Variants in UTP25 observed in about 807,000 individuals in gnomAD.
UTP25 encodes U3 small nucleolar RNA-associated protein 25 homolog.
A neutral mutation model predicts 78.9 loss-of-function variants in UTP25; 50 were observed. The observed-to-expected ratio is 0.63, with a 90% confidence interval of 0.50 to 0.80. UTP25 has a LOEUF of 0.80. Ranked by LOEUF, UTP25 falls within the 30% of genes least tolerant of loss-of-function variation. The probability of loss-of-function intolerance (pLI) is 0.00; values close to 1 mark genes in which losing one functional copy is unlikely to be tolerated. For synonymous variants in UTP25, 329 were observed against 336.5 expected, an observed-to-expected ratio of 0.98 and a Z score of 0.24; for missense variants, 846 against 911.3, an observed-to-expected ratio of 0.93 and a Z score of 0.92.
chr1:209,851,774 A>G lies in UTP25; in HGVS notation c.*327A>G. 1 of 192,852 alleles carries G rather than the reference A, an allele frequency of 5.2e-6. No individual in the cohort carries two copies. The highest frequency in any genetic ancestry group is 1.1e-5 in the Non-Finnish European group (1 of 93,682). 11.9% of individuals were successfully genotyped at this position (192,852 alleles called of 1,614,324 possible). ...GATTTACCTCTAATTTATTACACTT[A>G]GTAAATTCTTCCAGATTTTTCTATT... On this transcript the variant is annotated 3_prime_UTR_variant, in exon 12 of 12. Transcript: ENST00000491415.
chr1:209,842,116 C>A (rs1572005340), intron 8 of UTP25, 149 bp from the exon 9 acceptor site: 3 of 784,568 alleles, frequency 3.8e-6, no homozygotes, highest in East Asian at 2.7e-5. Context: ...TGACCATGGG[C>A]AAGTCACTCA....
chr1:209,843,511 G>C lies in UTP25; in HGVS notation c.1842G>C (p.Thr614=), dbSNP rs138167313. 1 of 1,614,098 alleles carries C rather than the reference G, an allele frequency of 6.2e-7. No individual in the cohort carries two copies. The highest frequency in any genetic ancestry group is 1.1e-5 in the South Asian group (1 of 91,082). The change falls in exon 11 of 12, where the codon ACG becomes ACC. Residue 614 remains threonine, a synonymous_variant. Transcript: ENST00000491415. ...ATCGTGATGCAGTCATGTCTCACAC[G>C]CTCATCTATATCCCCTCCTACTTTG... ...PQYRDAVMSH[T]LIYIPSYFDF...
chr1:209,832,574 C>T (rs1296365583), intron 3 of UTP25, among the ~76,000 whole-genome samples: 1 of 152,148 alleles, frequency 6.6e-6, no homozygotes, highest in African/African-American at 2.4e-5. Flanking sequence ...TCCAGAGAAA[C>T]AGAACCGGTA....
At chr1:209,833,592 G>A (rs1468152376) in intron 4 of UTP25, among the ~76,000 whole-genome samples, 1 of 152,160 alleles carries the variant, frequency 6.6e-6, no homozygotes, top group East Asian at 1.9e-4. Flanking sequence ...CAGCTTCCCA[G>A]GCCTCACATT....
chr1:209,842,412 G>C lies in UTP25; in HGVS notation c.1633G>C (p.Val545Leu), dbSNP rs140604427. ...CCTTCAGGATGCCCAGATCAACTCA[G>C]TGTTCAACAAGTACTGTGTCAACAT... ...GALQDAQINSVFNKYCVNMQG... is the reference protein window; with the variant it reads ...GALQDAQINSLFNKYCVNMQG... The change falls in exon 9 of 12, where the codon GTG becomes CTG. Residue 545 changes from valine (V) to leucine (L), a missense_variant. By Grantham distance (32) the Val-to-Leu change is conservative. Coordinates refer to ENST00000491415, the MANE Select transcript of UTP25 (RefSeq NM_014388.7). 4 of 1,614,124 alleles carry C rather than the reference G, an allele frequency of 2.5e-6. No individual in the cohort carries two copies.
chr1:209,855,859 G>C lies in UTP25; in HGVS notation c.*4412G>C, dbSNP rs1245792140. 1.3e-5 allele frequency: 2 copies of C among 152,316 alleles called. No individual in the cohort carries two copies. The highest frequency in any genetic ancestry group is 2.9e-5 in the Non-Finnish European group (2 of 68,136). 9.4% of individuals were successfully genotyped at this position (152,316 alleles called of 1,614,324 possible). On this transcript the variant is annotated 3_prime_UTR_variant, in exon 12 of 12. Coordinates refer to ENST00000491415, the MANE Select transcript of UTP25 (RefSeq NM_014388.7). ...TCCCAGCTGAGCCAAGGCCAAAGCT[G>C]TCTACCTTTTGCCAACCTAAGGAAT...
At position 209,842,695 on chromosome 1, in the gene UTP25, G is replaced by C; in HGVS notation, c.1781G>C (p.Arg594Thr). 6.2e-7 allele frequency: 1 copy of C among 1,608,236 alleles called. No homozygotes were observed. The highest frequency in any genetic ancestry group is 8.5e-7 in the Non-Finnish European group (1 of 1,177,216). Reference protein sequence around the residue: ...AENLASVIDARFNFFVNKILP... With the variant: ...AENLASVIDATFNFFVNKILP... ...AACCTAGCTTCAGTGATTGATGCCA[G>C]GTAACCCACTCCTCCCAGCAGGCCC... Residue 594 changes from arginine to threonine, a missense_variant and splice_region_variant, in exon 10 of 12, where the codon AGG becomes ACG. Transcript: ENST00000491415.
chr1:209,839,326 G>A (rs574714204), intron 7 of UTP25, among the ~76,000 whole-genome samples, 198 bp downstream of exon 7: 2 of 152,258 alleles, frequency 1.3e-5, no homozygotes, highest in East Asian at 1.9e-4. Context: ...CAGTGGAGTC[G>A]GGAGGATCTC....
chr1:209,855,514 ATGTGAC>A lies in UTP25; in HGVS notation c.*4070_*4075del, dbSNP rs1399583648. On this transcript the variant is annotated 3_prime_UTR_variant, in exon 12 of 12. Transcript: ENST00000491415. ...ATGCTCAAAAGGAGTGAGGACAGGTATGTGACTGCCATAAGGAGCTGTTTGCTTTGC... is the reference window on the plus strand; with the variant it reads ...ATGCTCAAAAGGAGTGAGGACAGGTATGCCATAAGGAGCTGTTTGCTTTGC... The A allele has an allele frequency of 1.3e-5, 2 of 152,334 alleles. No individual in the cohort carries two copies. The highest frequency in any genetic ancestry group is 4.8e-5 in the African/African-American group (2 of 41,478). The allele number at this position is 152,334 out of a possible 1,614,324, so 9.4% of individuals were successfully genotyped here. A position where few individuals can be genotyped will look rare whatever the true frequency, so the allele number is the denominator to read the frequency against.
intron 11 of UTP25, among the ~76,000 whole-genome samples, chr1:209,850,495 AT>A (rs1403680545): frequency 6.6e-6 from 1 of 152,246 alleles, no homozygotes; most frequent in East Asian, 1.9e-4. Context: ...TTGTCAACAT[AT>A]AAAATCTTTT....
chr1:209,843,763 C>G (rs1389389309), intron 11 of UTP25, 67 bp downstream of exon 11: 28 of 1,544,106 alleles, frequency 1.8e-5, no homozygotes, highest in Non-Finnish European at 2.5e-5. Context: ...ATGGCCTGCT[C>G]TGAATGCATG....
intron 11 of UTP25, among the ~76,000 whole-genome samples, chr1:209,847,278 AAG>A (rs2078202877): frequency 6.6e-6 from 1 of 152,202 alleles, no homozygotes; most frequent in Non-Finnish European, 1.5e-5. Flanking sequence ...GAAAATTGTT[AAG>A]AGACTAACAA....
At position 209,828,115 on chromosome 1, in the gene UTP25, A is replaced by G. The variant is rs138860505; in HGVS notation, c.52A>G (p.Lys18Glu). 1.2e-3 allele frequency: 1,880 copies of G among 1,614,156 alleles called. 17 individuals are homozygous for G. The highest frequency in any genetic ancestry group is 5.5e-3 in the South Asian group (500 of 91,090). ...SQSQLLNTLT[K>E]KQKKHLRDFG... is the part of the protein sequence containing the mutation. ...GAGCCAGCTACTCAACACCCTAACTAAAAAGCAGAAGAAACATCTTCGAGA... is the reference window on the plus strand; with the variant it reads ...GAGCCAGCTACTCAACACCCTAACTGAAAAGCAGAAGAAACATCTTCGAGA... Residue 18 changes from lysine to glutamate, a missense_variant, in exon 1 of 12, where the codon AAA becomes GAA. Transcript: ENST00000491415.
chr1:209,842,830 G>A, intron 10 of UTP25, 135 bp downstream of exon 10: 2 of 662,636 alleles, frequency 3.0e-6, no homozygotes, highest in South Asian at 3.8e-5. Context: ...ACTTAATTAT[G>A]TCATTTGTCA....
chr1:209,833,878 C>T (rs2078117263), intron 4 of UTP25, among the ~76,000 whole-genome samples: 1 of 152,148 alleles, frequency 6.6e-6, no homozygotes, highest in Non-Finnish European at 1.5e-5. Context: ...CAAGACGTGC[C>T]TATGGCGGGC....
rs772976589 is a variant in UTP25 at position 209,841,053 on chromosome 1, C to A, written c.1483C>A (p.Leu495Met). 6 of 1,613,722 alleles carry A rather than the reference C, an allele frequency of 3.7e-6. No homozygotes were observed. The African/African-American group carries it at 6.7e-5, about 18-fold the overall frequency. The change falls in exon 8 of 12, where the codon CTG becomes ATG. Residue 495 changes from leucine (L) to methionine (M), a missense_variant and splice_region_variant. Physicochemically the swap from Leu to Met is conservative, Grantham distance 15. Transcript: ENST00000491415. ...IYLMQNWEHV[L>M]HLMNHMNLLP... Reference sequence around the variant, plus strand: ...CCTGATGCAGAACTGGGAGCATGTCCTGGTAATGCTGGCCATTCACATTCA... The same window carrying A: ...CCTGATGCAGAACTGGGAGCATGTCATGGTAATGCTGGCCATTCACATTCA...
Position 209,839,046 on chromosome 1 carries a change from C to G in UTP25, c.1200C>G (p.Pro400=). 2 of 1,613,988 alleles carry G rather than the reference C, an allele frequency of 1.2e-6. No individual in the cohort carries two copies. The highest frequency in any genetic ancestry group is 1.7e-6 in the Non-Finnish European group (2 of 1,179,958). ...KRFQGEYGSD[P]EERPPNLKRP... Reference sequence around the variant, plus strand: ...TTCAGGGAGAATATGGATCAGATCCCGAGGAGAGACCACCCAACTTGAAGA... The same window carrying G: ...TTCAGGGAGAATATGGATCAGATCCGGAGGAGAGACCACCCAACTTGAAGA... The change falls in exon 7 of 12, where the codon CCC becomes CCG. Residue 400 remains proline (P), a synonymous_variant. Coordinates refer to ENST00000491415, the MANE Select transcript of UTP25 (RefSeq NM_014388.7).
intron 11 of UTP25, among the ~76,000 whole-genome samples, chr1:209,846,665 A>G (rs1051327360): frequency 1.3e-5 from 2 of 152,198 alleles, no homozygotes; most frequent in African/African-American, 4.8e-5. Context: ...TGTTTGTAGG[A>G]GTCACTGAAA....
chr1:209,846,320 G>T (rs1395088921), intron 11 of UTP25, among the ~76,000 whole-genome samples: 1 of 152,194 alleles, frequency 6.6e-6, no homozygotes, highest in Non-Finnish European at 1.5e-5. Context: ...CAGAATCTTA[G>T]AATTGGATGA....
Sources: allele counts gnomAD v4.1 joint callset (sites outside exome capture counted in the v4.1 genomes callset), GRCh38; gene constraint gnomAD v4.1.1; transcripts MANE v1.5; gene names NCBI Gene and HGNC (gene_info 2026-07-23, HGNC 2026-07-21).